The following LEF1 variants were observed in gnomAD, a reference collection of about 807,000 sequenced individuals.
The protein encoded by LEF1 is lymphoid enhancer-binding factor 1.
In LEF1, 14 loss-of-function variants were observed where a neutral mutation model predicts 51.2. That is an observed-to-expected ratio of 0.27 (90% CI 0.18 to 0.43). The LOEUF is 0.43. Among genes scored for constraint, LEF1 ranks in the 20% least tolerant of loss-of-function variants. The pLI is 1.00. For missense variants in LEF1, 386 were observed against 512.0 expected (o/e 0.75, Z 2.37); for synonymous variants, 185 against 183.2 (o/e 1.01, Z -0.08).
intron 6 of LEF1, 21 bp downstream of exon 6, chr4:108,081,565 C>A (rs375823908): frequency 1.2e-6 from 2 of 1,605,096 alleles, no homozygotes; most frequent in Non-Finnish European, 8.5e-7. Context: ...CTCGAGCGCC[C>A]CAGTTTCCAC....
intron 3 of LEF1, among the ~76,000 whole-genome samples, chr4:108,097,521 C>T (rs1434615185): frequency 3.3e-5 from 5 of 152,100 alleles, no homozygotes; most frequent in African/African-American, 9.7e-5. Flanking sequence ...GCTAGCACAA[C>T]AGCGTGACTA....
Position 108,123,689 on chromosome 4 carries a change from T to TTG in LEF1, c.415-34434_415-34433dup, listed in dbSNP as rs1161491394. ...AGTATGTATTATGTATATGTGATAT[T>TTG]TGTGTGTGTGTGTGAGTAAAATGTA... On this transcript the variant is annotated intron_variant, in intron 3 of 11. Coordinates refer to ENST00000265165, the MANE Select transcript of LEF1 (RefSeq NM_016269.5). Among the ~76,000 whole-genome samples, 3 of 151,948 alleles carry TTG rather than the reference T, an allele frequency of 2.0e-5. No homozygotes were observed. In the South Asian group the frequency reaches 6.2e-4, roughly 32 times the overall value.
chr4:108,087,148 G>A (rs1245921625), intron 4 of LEF1, among the ~76,000 whole-genome samples: 9 of 152,150 alleles, frequency 5.9e-5, no homozygotes, highest in East Asian at 1.9e-4. Flanking sequence ...TATTTTCTTC[G>A]CAACAAAAGT....
intron 3 of LEF1, among the ~76,000 whole-genome samples, chr4:108,097,248 T>C (rs950692713): frequency 3.3e-5 from 5 of 152,220 alleles, no homozygotes; most frequent in African/African-American, 1.2e-4. Context: ...TGAAATATTA[T>C]TCAGCCACAA....
intron 3 of LEF1, among the ~76,000 whole-genome samples, chr4:108,125,714 ATTT>A (rs201464366): frequency 7.7e-5 from 11 of 142,192 alleles, no homozygotes; most frequent in Non-Finnish European, 1.1e-4. Context: ...ACACCTTGGG[ATTT>A]TTTTTTTTTT....
intron 3 of LEF1, among the ~76,000 whole-genome samples, chr4:108,101,743 A>T (rs1383726031): frequency 1.3e-5 from 2 of 152,198 alleles, no homozygotes; most frequent in Non-Finnish European, 1.5e-5. Flanking sequence ...CAACACTCTA[A>T]TATTTTGTAG....
chr4:108,106,445 T>C (rs1266066658), intron 3 of LEF1, among the ~76,000 whole-genome samples: 3 of 152,038 alleles, frequency 2.0e-5, no homozygotes, highest in African/African-American at 7.2e-5. Flanking sequence ...GTTTTCAAGA[T>C]TGAGGCTGCC....
At chr4:108,078,552 A>G (rs1739073689) in intron 7 of LEF1, 170 bp from the exon 8 acceptor site, 1 of 756,460 alleles carries the variant, frequency 1.3e-6, no homozygotes, top group African/African-American at 1.7e-5. Context: ...TCATTTGACA[A>G]AACACTGAGA....
intron 11 of LEF1, among the ~76,000 whole-genome samples, chr4:108,059,637 G>A (rs145978164): frequency 1.5e-4 from 23 of 152,064 alleles, no homozygotes; most frequent in South Asian, 6.2e-4. Context: ...ACCTTTACTC[G>A]TCAACTTCCC....
chr4:108,146,793 T>C (rs1328882489), intron 3 of LEF1, among the ~76,000 whole-genome samples: 1 of 152,226 alleles, frequency 6.6e-6, no homozygotes, highest in African/African-American at 2.4e-5. Flanking sequence ...ACTTCACATA[T>C]TGGATTAGGG....
chr4:108,055,141 T>A (rs1737236534), intron 11 of LEF1, among the ~76,000 whole-genome samples: 1 of 152,188 alleles, frequency 6.6e-6, no homozygotes. Context: ...CAGACCCCAT[T>A]TACTTTTAAT....
chr4:108,061,063 T>C (rs1344794756), intron 11 of LEF1, among the ~76,000 whole-genome samples: 3 of 152,190 alleles, frequency 2.0e-5, no homozygotes, highest in Non-Finnish European at 4.4e-5. Context: ...CTGCCAGTTC[T>C]GGTCTCCAAA....
At position 108,168,785 on chromosome 4, in the gene LEF1, G is replaced by T. The variant is rs1347340908; in HGVS notation, c.-1018C>A. ...GCAAAGAGCTGCGCCCCTTGAGTTC[G>T]CCCGGCCGAGGGGAGGGGACGCCCC... On this transcript the variant is annotated 5_prime_UTR_variant, in exon 1 of 12. Coordinates refer to ENST00000265165, the MANE Select transcript of LEF1 (RefSeq NM_016269.5). The surrounding 1 kb of genome is among the most constrained non-coding windows in gnomAD (Gnocchi z 4.6). The T allele has an allele frequency of 6.6e-6, 1 of 152,116 alleles. No homozygotes were observed. The highest frequency in any genetic ancestry group is 2.4e-5 in the African/African-American group (1 of 41,420). 9.4% of individuals were successfully genotyped at this position (152,116 alleles called of 1,614,324 possible). A position where few individuals can be genotyped will look rare whatever the true frequency, so the allele number is the denominator to read the frequency against.
At chr4:108,126,163 T>C (rs554083156) in intron 3 of LEF1, among the ~76,000 whole-genome samples, 2 of 152,284 alleles carry the variant, frequency 1.3e-5, no homozygotes, top group South Asian at 4.1e-4. Context: ...AATTGCAAAA[T>C]ACACATGAAT....
chr4:108,071,648 CAT>C (rs1487643554), intron 8 of LEF1: 2 of 152,342 alleles, frequency 1.3e-5, no homozygotes, highest in African/African-American at 4.8e-5. Context: ...TACATCTGCA[CAT>C]GACTCACCCC....
At chr4:108,109,859 G>C (rs1560796973) in intron 3 of LEF1, among the ~76,000 whole-genome samples, 2 of 152,222 alleles carry the variant, frequency 1.3e-5, no homozygotes, top group East Asian at 3.9e-4. Context: ...CTTGGGGAAG[G>C]GGGGCAGGCA....
At chr4:108,076,627 C>T (rs1485631357) in intron 8 of LEF1, among the ~76,000 whole-genome samples, 1 of 152,196 alleles carries the variant, frequency 6.6e-6, no homozygotes, top group Non-Finnish European at 1.5e-5. Flanking sequence ...ATCTGCCTGC[C>T]TCGGCCTCTC....
At position 108,165,044 on chromosome 4, in the gene LEF1, C is replaced by T. The variant is rs1363603015; in HGVS notation, c.280+53G>A. 4 of 1,519,166 alleles carry T rather than the reference C, an allele frequency of 2.6e-6. No individual in the cohort carries two copies. In the African/African-American group the frequency reaches 4.1e-5, roughly 16 times the overall value. The allele number at this position is 1,519,166 out of a possible 1,614,324, so 94.1% of individuals were successfully genotyped here. On this transcript the variant is annotated intron_variant, in intron 2 of 11. Transcript: ENST00000265165. ...AAGTAACAAAACACACCTATTTATA[C>T]AAATTGCACCCCTTATCTGCTAAAG...
In LEF1 at chr4:108,167,359, C is replaced by A. The variant is rs1745478508; in HGVS notation, c.213+196G>T. Among the ~76,000 whole-genome samples, 1 of 139,736 alleles carries A rather than the reference C, an allele frequency of 7.2e-6. No individual in the cohort carries two copies. Among genetic ancestry groups the A allele is most frequent in the Admixed American group, 6.9e-5 (1 of 14,418 alleles). 91.7% of individuals were successfully genotyped at this position (139,736 alleles called of 152,430 possible). On this transcript the variant is annotated intron_variant, in intron 1 of 11. Coordinates refer to ENST00000265165, the MANE Select transcript of LEF1 (RefSeq NM_016269.5). This position sits in a 1 kb window ranked among gnomAD's most constrained non-coding sequence, Gnocchi z 5.7. Reference sequence around the variant, plus strand: ...CCCTCTACCTCCCATCCTACACACACACACACACACACACACACACACACA... The same window carrying A: ...CCCTCTACCTCCCATCCTACACACAAACACACACACACACACACACACACA...
Sources: allele counts gnomAD v4.1 joint callset (sites outside exome capture counted in the v4.1 genomes callset), GRCh38; gene constraint gnomAD v4.1.1; non-coding constraint Gnocchi (gnomAD v3.1); transcripts MANE v1.5; gene names NCBI Gene and HGNC (gene_info 2026-07-23, HGNC 2026-07-21).